The following MAGI2 variants were observed in gnomAD, a reference collection of about 807,000 sequenced individuals.
The protein encoded by MAGI2 is membrane-associated guanylate kinase, WW and PDZ domain-containing protein 2.
Under a neutral mutation model 133.3 loss-of-function variants are expected in MAGI2, and 35 were observed. The observed-to-expected ratio is 0.26, with a 90% confidence interval of 0.20 to 0.35. The LOEUF is 0.35. Ranked by LOEUF, MAGI2 falls within the 10% of genes least tolerant of loss-of-function variation. The pLI is 1.00. For missense variants in MAGI2, 1,636 were observed against 1,863.4 expected (o/e 0.88, Z 2.25); for synonymous variants, 729 against 710.6 (o/e 1.03, Z -0.41).
chr7:79,085,255 T>C (rs1228015518), intron 1 of MAGI2, among the ~76,000 whole-genome samples: 1 of 151,918 alleles, frequency 6.6e-6, no homozygotes, highest in Non-Finnish European at 1.5e-5. Context: ...TCAAATCTGC[T>C]ACTGAGCCCC....
At chr7:78,407,698 T>C (rs1236984642) in intron 6 of MAGI2, among the ~76,000 whole-genome samples, 2 of 151,940 alleles carry the variant, frequency 1.3e-5, no homozygotes, top group African/African-American at 4.8e-5. Flanking sequence ...TCAATATTAT[T>C]GGCTTTAACA....
intron 1 of MAGI2, among the ~76,000 whole-genome samples, chr7:79,171,770 A>ATATATATTTTT: frequency 1.9e-4 from 6 of 31,212 alleles, no homozygotes; most frequent in Non-Finnish European, 2.2e-4. Context: ...ATATATATAT[A>ATATATATTTTT]TTTTTTTTTT....
chr7:78,513,097 TACA>T (rs1795743333), intron 4 of MAGI2, among the ~76,000 whole-genome samples: 1 of 152,024 alleles, frequency 6.6e-6, no homozygotes, highest in Non-Finnish European at 1.5e-5. Flanking sequence ...AACATGCACA[TACA>T]ACATTTCTTA....
chr7:79,350,961 T>C (rs1205712046), intron 1 of MAGI2, among the ~76,000 whole-genome samples: 2 of 152,144 alleles, frequency 1.3e-5, no homozygotes, highest in Admixed American at 6.5e-5. Flanking sequence ...AGAAAAGTTC[T>C]AGAATATTAA....
intron 10 of MAGI2, among the ~76,000 whole-genome samples, chr7:78,211,250 G>A (rs1787741223): frequency 7.3e-6 from 1 of 136,752 alleles, no homozygotes; most frequent in African/African-American, 2.5e-5. Flanking sequence ...TCTGCCCCAT[G>A]GGGAGGGATG....
At chr7:78,116,787 AG>A (rs1819907845) in intron 20 of MAGI2, among the ~76,000 whole-genome samples, 1 of 151,996 alleles carries the variant, frequency 6.6e-6, no homozygotes, top group South Asian at 2.1e-4. Context: ...CTGAGGTGGG[AG>A]GATTACTTGA....
At chr7:78,641,532 T>G (rs1810308533) in intron 2 of MAGI2, among the ~76,000 whole-genome samples, 1 of 152,214 alleles carries the variant, frequency 6.6e-6, no homozygotes. Context: ...ACATTAGGTT[T>G]TCGATGCTTT....
rs1488118790 is a variant in MAGI2 at position 79,184,438 on chromosome 7, AAAAAT to A, written c.302-177237_302-177233del. Reference sequence around the variant, plus strand: ...ATTAAAAATAAAAATAAGAAACAATAAAAATAAAATAACATAAAAAATCAAAATAT... The same window carrying A: ...ATTAAAAATAAAAATAAGAAACAATAAAAATAACATAAAAAATCAAAATAT... On this transcript the variant is annotated intron_variant, in intron 1 of 21. Coordinates refer to ENST00000354212, the MANE Select transcript of MAGI2 (RefSeq NM_012301.4). 4.6e-5 allele frequency among the ~76,000 whole-genome samples: 7 copies of A among 151,612 alleles called. No individual in the cohort carries two copies. In the East Asian group the frequency reaches 1.4e-3, roughly 29 times the overall value.
chr7:78,886,045 T>C (rs1796236191), intron 2 of MAGI2, among the ~76,000 whole-genome samples: 1 of 152,176 alleles, frequency 6.6e-6, no homozygotes, highest in Admixed American at 6.5e-5. Flanking sequence ...AGGCAGCTTC[T>C]CCTGAGATGT....
intron 5 of MAGI2, among the ~76,000 whole-genome samples, chr7:78,494,147 A>AT (rs1237998812): frequency 2.0e-5 from 3 of 151,790 alleles, no homozygotes; most frequent in South Asian, 2.1e-4. Context: ...TACCTGACTA[A>AT]TTTTTTGTAT....
intron 18 of MAGI2, among the ~76,000 whole-genome samples, chr7:78,130,383 C>A (rs950494958): frequency 1.1e-4 from 16 of 152,100 alleles, no homozygotes; most frequent in African/African-American, 3.9e-4. Flanking sequence ...AACATGGGAA[C>A]GGGCTGAATC....
chr7:78,650,344 T>C (rs1584963718), intron 2 of MAGI2, among the ~76,000 whole-genome samples: 1 of 152,184 alleles, frequency 6.6e-6, no homozygotes, highest in East Asian at 1.9e-4. Context: ...AGGGGAAGGA[T>C]AGACAGGCAT....
intron 1 of MAGI2, among the ~76,000 whole-genome samples, chr7:79,444,049 C>T (rs957774186): frequency 1.3e-5 from 2 of 152,026 alleles, no homozygotes; most frequent in Admixed American, 1.3e-4. Flanking sequence ...ATAAACAGAA[C>T]CAACAATAAA....
chr7:78,639,393 G>C (rs1206325573), intron 2 of MAGI2, among the ~76,000 whole-genome samples: 1 of 152,054 alleles, frequency 6.6e-6, no homozygotes, highest in Admixed American at 6.5e-5. Context: ...AATTATCATG[G>C]AGGGAAGAAA....
intron 2 of MAGI2, among the ~76,000 whole-genome samples, chr7:78,862,544 G>C (rs1428887439): frequency 6.6e-6 from 1 of 152,082 alleles, no homozygotes; most frequent in Non-Finnish European, 1.5e-5. Context: ...TATAAATGAG[G>C]AACCTCAACT....
intron 21 of MAGI2, among the ~76,000 whole-genome samples, chr7:78,075,800 A>G (rs1009926482): frequency 2.0e-5 from 3 of 152,196 alleles, no homozygotes; most frequent in African/African-American, 4.8e-5. Flanking sequence ...ATCAGTCACT[A>G]TGAAATTCCA....
At chr7:78,559,537 A>G (rs754946098) in intron 3 of MAGI2, among the ~76,000 whole-genome samples, 11 of 152,156 alleles carry the variant, frequency 7.2e-5, no homozygotes, top group Admixed American at 6.6e-4. Context: ...AAGGGCATGT[A>G]CTATTTGGTC....
At chr7:78,842,986 T>C (rs1470863927) in intron 2 of MAGI2, among the ~76,000 whole-genome samples, 1 of 151,994 alleles carries the variant, frequency 6.6e-6, no homozygotes, top group East Asian at 1.9e-4. Context: ...AAATATTTAA[T>C]GACTGTTGCC....
intron 2 of MAGI2, among the ~76,000 whole-genome samples, chr7:78,925,306 A>G (rs1799609884): frequency 6.6e-6 from 1 of 152,086 alleles, no homozygotes. Flanking sequence ...TCTGCCTACC[A>G]GATATTTATC....
Sources: gnomAD v4.1 joint callset for allele counts (sites outside exome capture counted in the v4.1 genomes callset) on GRCh38, gnomAD v4.1.1 for gene constraint, MANE v1.5 for transcripts, NCBI Gene and HGNC (gene_info 2026-07-23, HGNC 2026-07-21) for gene names.